Variants in ABCB4 observed in about 807,000 individuals in gnomAD.
ABCB4 encodes ATP binding cassette subfamily B member 4.
ABCB4 carries 76 observed loss-of-function variants against 145.7 expected under a neutral mutation model. The ratio of observed to expected loss-of-function variants is 0.52; its 90% confidence interval spans 0.43 to 0.63. ABCB4 has a LOEUF of 0.63. Ranked by LOEUF, ABCB4 falls within the 30% of genes least tolerant of loss-of-function variation. ABCB4 has a pLI of 0.00. For missense variants in ABCB4, 1,234 were observed against 1,553.1 expected (o/e 0.79, Z 3.45); for synonymous variants, 517 against 566.8 (o/e 0.91, Z 1.25).
At position 87,412,511 on chromosome 7, in the gene ABCB4, T is replaced by TAC. The variant is rs1808694021; in HGVS notation, c.2784-480_2784-479dup. Among the ~76,000 whole-genome samples, 4 of 152,298 alleles carry TAC rather than the reference T, an allele frequency of 2.6e-5. No individual in the cohort carries two copies. The South Asian group carries it at 8.3e-4, about 32-fold the overall frequency. ...TGAGTCCCTGAAGTTTACATAGATA[T>TAC]ACACCAGAAGTCCTTTCCCAAGCTA... On this transcript the variant is annotated intron_variant, in intron 22 of 27. Coordinates refer to ENST00000649586, the MANE Select transcript of ABCB4 (RefSeq NM_000443.4).
intron 3 of ABCB4, among the ~76,000 whole-genome samples, chr7:87,465,882 C>T (rs147761176): frequency 1.0e-3 from 156 of 152,214 alleles, no homozygotes; most frequent in African/African-American, 3.3e-3. Context: ...AGGACATCCA[C>T]GCCAAAACCC....
At chr7:87,431,712 C>A in intron 14 of ABCB4, 147 bp from the exon 15 acceptor site, 1 of 1,153,416 alleles carries the variant, frequency 8.7e-7, no homozygotes, top group South Asian at 1.3e-5. Context: ...ATGGCAAAGG[C>A]ATCACTCTTT....
intron 4 of ABCB4, among the ~76,000 whole-genome samples, chr7:87,460,620 TTGTATTTATTTA>T (rs761302940): frequency 2.7e-5 from 4 of 146,344 alleles, no homozygotes; most frequent in Admixed American, 6.8e-5. Context: ...GGACACAATT[TTGTATTTATTTA>T]TTTATTTATT....
At chr7:87,382,282 TA>T in the ABCB4 span, 4 of 1,408,618 alleles carry the variant, frequency 2.8e-6, no homozygotes, top group Non-Finnish European at 3.9e-6. Flanking sequence ...CAAAACATTT[TA>T]AAATTATGCC....
At chr7:87,431,628 A>G (rs1462357417) in intron 14 of ABCB4, 63 bp from the exon 15 acceptor site, 2 of 1,589,786 alleles carry the variant, frequency 1.3e-6, no homozygotes, top group Admixed American at 1.7e-5. Flanking sequence ...ATTAACATGC[A>G]CAGTTAAGCA....
chr7:87,452,050 T>C (rs1811770878), intron 6 of ABCB4, among the ~76,000 whole-genome samples: 1 of 152,204 alleles, frequency 6.6e-6, no homozygotes, highest in Admixed American at 6.5e-5. Flanking sequence ...GAGAGAAGCA[T>C]TAACATTTTG....
chr7:87,392,378 C>A, the ABCB4 span, among the ~76,000 whole-genome samples: 10 of 152,056 alleles, frequency 6.6e-5, no homozygotes, highest in Admixed American at 5.2e-4. Flanking sequence ...AAATAAGAAG[C>A]AGGATATACA....
chr7:87,435,461 C>T (rs149489255), intron 14 of ABCB4, among the ~76,000 whole-genome samples: 2 of 152,300 alleles, frequency 1.3e-5, no homozygotes, highest in Non-Finnish European at 2.9e-5. Flanking sequence ...ATTTCTGGAG[C>T]CCAGGCCTCA....
chr7:87,403,620 T>A (rs979577966), intron 26 of ABCB4, among the ~76,000 whole-genome samples: 1 of 152,260 alleles, frequency 6.6e-6, no homozygotes, highest in African/African-American at 2.4e-5. Flanking sequence ...CTTATACAAC[T>A]GGCAGTGCAG....
chr7:87,406,546 A>C, intron 25 of ABCB4, 52 bp from the exon 26 acceptor site: 1 of 1,598,526 alleles, frequency 6.3e-7, no homozygotes, highest in Non-Finnish European at 8.5e-7. Context: ...AGAAAAAAAA[A>C]CTAAAAAGTT....
the ABCB4 span, chr7:87,375,982 T>TA: frequency 2.0e-6 from 3 of 1,534,246 alleles, no homozygotes; most frequent in Non-Finnish European, 2.6e-6. Flanking sequence ...TTTTTTTTTT[T>TA]ATTGCAGATT....
At position 87,426,819 on chromosome 7, in the gene ABCB4, A is replaced by G. The variant is rs371125788; in HGVS notation, c.1995T>C (p.His665=). 1 of 1,614,058 alleles carries G rather than the reference A, an allele frequency of 6.2e-7. No individual in the cohort carries two copies. Residue 665 remains histidine (H), a synonymous_variant, in exon 16 of 28, where the codon CAT becomes CAC. Transcript: ENST00000649586. ...PNGWKSRLFR[H]STQKNLKNSQ... ...AATTTTTAAGGTTTTTCTGAGTAGA[A>G]TGCCTAAATAGGCGAGATTTCCAGC...
At chr7:87,470,574 C>T (rs890737272) in intron 3 of ABCB4, among the ~76,000 whole-genome samples, 7 of 152,128 alleles carry the variant, frequency 4.6e-5, no homozygotes, top group African/African-American at 1.2e-4. Context: ...AACAGACACT[C>T]CTCAAAAGAA....
intron 9 of ABCB4, among the ~76,000 whole-genome samples, chr7:87,445,867 G>T (rs528811123): frequency 6.6e-6 from 1 of 152,254 alleles, no homozygotes; most frequent in Admixed American, 6.5e-5. Context: ...GGCTTTGCTT[G>T]GGCTCCCTCT....
At chr7:87,426,647 T>C (rs1809830601) in intron 16 of ABCB4, 103 bp downstream of exon 16, 1 of 1,157,732 alleles carries the variant, frequency 8.6e-7, no homozygotes, top group Admixed American at 1.8e-5. Context: ...TGGCTCATAG[T>C]AGCAGTCATC....
chr7:87,375,823 T>C, the ABCB4 span: 69 of 1,613,118 alleles, frequency 4.3e-5, 1 homozygote, highest in South Asian at 6.9e-4. Flanking sequence ...CTCCTTGCCC[T>C]TTAGGCACGA....
At chr7:87,369,569 G>A in the ABCB4 span, 1 of 699,072 alleles carries the variant, frequency 1.4e-6, no homozygotes, top group Non-Finnish European at 2.2e-6. Flanking sequence ...GCCTTTCAAG[G>A]TGATAGTAAG....
intron 19 of ABCB4, among the ~76,000 whole-genome samples, chr7:87,419,311 G>C (rs911159435): frequency 6.6e-6 from 1 of 152,180 alleles, no homozygotes; most frequent in East Asian, 1.9e-4. Flanking sequence ...AATGTAATCA[G>C]TTCCTGTCAA....
the ABCB4 span, chr7:87,377,251 G>C: frequency 0.89 from 589,880 of 665,548 alleles, 262,249 homozygotes; most frequent in Middle Eastern, 0.92. Flanking sequence ...TTTGGTTGAC[G>C]TGAAGAGGAA....
Sources: allele counts gnomAD v4.1 joint callset (sites outside exome capture counted in the v4.1 genomes callset), GRCh38; gene constraint gnomAD v4.1.1; transcripts MANE v1.5; gene names NCBI Gene and HGNC (gene_info 2026-07-23, HGNC 2026-07-21).